TNFRSF14: variants seen among roughly 807,000 people sequenced by gnomAD.
The protein encoded by TNFRSF14 is tumor necrosis factor receptor superfamily member 14.
TNFRSF14 carries 18 observed loss-of-function variants against 34.1 expected under a neutral mutation model. The ratio of observed to expected loss-of-function variants is 0.53; its 90% CI spans 0.36 to 0.78. The LOEUF (loss-of-function observed/expected upper bound fraction) is 0.78. TNFRSF14 is among the 30% of genes least tolerant of loss of function. The probability of loss-of-function intolerance (pLI) is 0.00; values close to 1 mark genes in which losing one functional copy is unlikely to be tolerated. For missense variants in TNFRSF14, 352 were observed against 379.5 expected, an observed-to-expected ratio of 0.93 and a Z score of 0.60; for synonymous variants, 157 against 153.2, an observed-to-expected ratio of 1.02 and a Z score of -0.18.
In TNFRSF14 at chr1:2,559,360, T is replaced by C. The variant is rs141539147; in HGVS notation, c.305-463T>C. 1.7e-3 allele frequency: 2,359 copies of C among 1,374,828 alleles called. 44 individuals carry two copies. The African/African-American group carries it at 0.03, about 18-fold the overall frequency. 85.2% of individuals were successfully genotyped at this position (1,374,828 alleles called of 1,614,324 possible). On this transcript the variant is annotated intron_variant, in intron 3 of 7. Transcript: ENST00000355716. ...CCTCAGGAGGGGCCCAGGCCCAGCTTGTACCCCACCTCCACCAGTACCTGA... is the reference window on the plus strand; with the variant it reads ...CCTCAGGAGGGGCCCAGGCCCAGCTCGTACCCCACCTCCACCAGTACCTGA...
upstream of TNFRSF14, chr1:2,556,080 C>T (rs1165186907): frequency 6.5e-6 from 2 of 309,134 alleles, no homozygotes. Context: ...GGGACACAGG[C>T]CTGGTGGGTC....
intron 3 of TNFRSF14, chr1:2,559,014 G>A (rs752823549): frequency 4.0e-5 from 55 of 1,368,018 alleles, no homozygotes; most frequent in Admixed American, 1.1e-4. Context: ...CTGTCCATGC[G>A]GCCAACGGCT....
chr1:2,559,419 A>G (rs1292099257), intron 3 of TNFRSF14: 1 of 1,378,444 alleles, frequency 7.3e-7, no homozygotes, highest in African/African-American at 1.4e-5. Flanking sequence ...TGCCTCTGCC[A>G]TTGGAATGGC....
chr1:2,563,406 T>A lies in TNFRSF14; in HGVS notation c.*133T>A, dbSNP rs1324318453. The A allele has an allele frequency of 6.9e-7, 1 of 1,459,670 alleles. No individual in the cohort carries two copies. The highest frequency in any genetic ancestry group is 2.3e-5 in the East Asian group (1 of 43,336). 90.4% of individuals were successfully genotyped at this position (1,459,670 alleles called of 1,614,324 possible). A position where few individuals can be genotyped will look rare whatever the true frequency, so the allele number is the denominator to read the frequency against. ...CTGGGCTGGCTTCCGTCTCCTCCAG[T>A]GGAGGGAGAGGTGGGGCCCCTGCTG... On this transcript the variant is annotated 3_prime_UTR_variant, in exon 8 of 8. Transcript: ENST00000355716.
In TNFRSF14 at chr1:2,561,225, G is replaced by A. The variant is rs951361114; in HGVS notation, c.552-448G>A. The stretch of plus-strand genomic sequence containing the variant: ...GAGCAGGGATGGCTGCCCCAGGGAG[G>A]GGGCGGTGGGGCCTTCCATCCTGCT... On this transcript the variant is annotated intron_variant, in intron 5 of 7. Coordinates refer to ENST00000355716, the MANE Select transcript of TNFRSF14 (RefSeq NM_003820.4). The surrounding 1 kb of genome is among the most constrained non-coding windows in gnomAD (Gnocchi z 6.0). 7 of 436,038 alleles carry A rather than the reference G, an allele frequency of 1.6e-5. No individual in the cohort carries two copies. In the Admixed American group the frequency reaches 2.7e-4, roughly 17 times the overall value. 27.0% of individuals were successfully genotyped at this position (436,038 alleles called of 1,614,324 possible). A position where few individuals can be genotyped will look rare whatever the true frequency, so the allele number is the denominator to read the frequency against.
In TNFRSF14 at chr1:2,563,311, A is replaced by G. The variant is rs778484412; in HGVS notation, c.*38A>G. On this transcript the variant is annotated 3_prime_UTR_variant, in exon 8 of 8. Coordinates refer to ENST00000355716, the MANE Select transcript of TNFRSF14 (RefSeq NM_003820.4). ...GCACCCCGACGCCAGAGATACCTGGAGCGACGGCTGCTGAAAGAGGCTGTC... is the reference window on the plus strand; with the variant it reads ...GCACCCCGACGCCAGAGATACCTGGGGCGACGGCTGCTGAAAGAGGCTGTC... 1 of 1,605,732 alleles carries G rather than the reference A, an allele frequency of 6.2e-7. No individual in the cohort carries two copies. The highest frequency in any genetic ancestry group is 2.2e-5 in the East Asian group (1 of 44,680).
rs1243655301 is a variant in TNFRSF14, at chr1:2,561,098, C to T, written c.551+384C>T. ...AGTGAACACTCTGCTCTTTGTCCAC[C>T]TTCGGGAGGACACCTTCAAATGCTG... is the stretch of plus-strand genomic sequence containing the variant. On this transcript the variant is annotated intron_variant, in intron 5 of 7. Coordinates refer to ENST00000355716, the MANE Select transcript of TNFRSF14 (RefSeq NM_003820.4). This position sits in a 1 kb window ranked among gnomAD's most constrained non-coding sequence, Gnocchi z 6.0. The T allele has an allele frequency of 3.1e-6, 1 of 327,352 alleles. No individual in the cohort carries two copies. The highest frequency in any genetic ancestry group is 5.6e-6 in the Non-Finnish European group (1 of 178,016). 20.3% of individuals were successfully genotyped at this position (327,352 alleles called of 1,614,324 possible).
At chr1:2,555,832 G>A (rs1454566125), upstream of TNFRSF14, 1 of 154,204 alleles carries the variant, frequency 6.5e-6, no homozygotes, top group African/African-American at 2.4e-5. The surrounding 1 kb of genome is among the most constrained non-coding windows in gnomAD (Gnocchi z 6.3). Flanking sequence ...CCGGGACTGT[G>A]GGCTGTCTCC....
chr1:2,562,452 C>T (rs571006990), intron 6 of TNFRSF14: 8 of 286,878 alleles, frequency 2.8e-5, no homozygotes, highest in East Asian at 2.6e-4. Context: ...GCCTCCAATG[C>T]GGGGAGGTCT....
Position 2,559,965 on chromosome 1 carries a change from G to T in TNFRSF14, c.447G>T (p.Arg149Ser), listed in dbSNP as rs1364321839. The T allele has an allele frequency of 1.3e-6, 2 of 1,570,472 alleles. No individual in the cohort carries two copies. The highest frequency in any genetic ancestry group is 1.7e-4 in the Middle Eastern group (1 of 5,978). Reference protein sequence around the residue: ...RAYATSSPGQRVQKGGTESQD... With the variant: ...RAYATSSPGQSVQKGGTESQD... ...ACGCCACCTCCAGCCCGGGCCAGAG[G>T]GTGCAGAAGGGAGGTAAGCGGTGGG... Residue 149 changes from arginine (R) to serine (S), a missense_variant, in exon 4 of 8, where the codon AGG becomes AGT. Physicochemically the swap from Arg to Ser is moderately radical, Grantham distance 110. Transcript: ENST00000355716.
At chr1:2,560,209 A>C (rs1285021537) in intron 4 of TNFRSF14, among the ~76,000 whole-genome samples, 1 of 152,008 alleles carries the variant, frequency 6.6e-6, no homozygotes, top group Non-Finnish European at 1.5e-5. Flanking sequence ...AGGTTGCTCC[A>C]CCTCGGGGTT....
chr1:2,563,270 C>T lies in TNFRSF14; in HGVS notation c.849C>T (p.His283=). Residue 283 remains histidine, a synonymous_variant, in exon 8 of 8, where the codon CAC becomes CAT. Coordinates refer to ENST00000355716, the MANE Select transcript of TNFRSF14 (RefSeq NM_003820.4). The part of the protein sequence containing the change: ...IPSFTGRSPN[H] ...CATTCACGGGGAGGAGCCCAAACCACTGACCCACAGACTCTGCACCCCGAC... is the reference window on the plus strand; with the variant it reads ...CATTCACGGGGAGGAGCCCAAACCATTGACCCACAGACTCTGCACCCCGAC... The T allele has an allele frequency of 1.2e-6, 2 of 1,613,512 alleles. No individual in the cohort carries two copies. The highest frequency in any genetic ancestry group is 1.7e-6 in the Non-Finnish European group (2 of 1,179,980).
Position 2,561,514 on chromosome 1 carries a change from C to A in TNFRSF14, c.552-159C>A, listed in dbSNP as rs1644307990. 1 of 1,544,116 alleles carries A rather than the reference C, an allele frequency of 6.5e-7. No homozygotes were observed. Among genetic ancestry groups the A allele is most frequent in the Non-Finnish European group, 8.8e-7 (1 of 1,142,166 alleles). On this transcript the variant is annotated intron_variant, in intron 5 of 7. Transcript: ENST00000355716. The surrounding 1 kb of genome is among the most constrained non-coding windows in gnomAD (Gnocchi z 6.0). ...CATAGCCGAGCTTGGAAAAGTCAGA[C>A]AGACCTCTGAGGTCTCATCCTGGAG...
chr1:2,556,887 A>T (rs2100839364), intron 1 of TNFRSF14, 154 bp downstream of exon 1: 1 of 717,794 alleles, frequency 1.4e-6, no homozygotes, highest in Non-Finnish European at 2.3e-6. Flanking sequence ...GTCAACCCAG[A>T]CCCCCAGCAC....
rs1644315957 is a variant in TNFRSF14, at chr1:2,561,915, G to A, written c.694+100G>A. 15 of 1,327,650 alleles carry A rather than the reference G, an allele frequency of 1.1e-5. No individual in the cohort carries two copies. The highest frequency in any genetic ancestry group is 1.5e-5 in the African/African-American group (1 of 68,510). The allele number at this position is 1,327,650 out of a possible 1,614,324, so 82.2% of individuals were successfully genotyped here. On this transcript the variant is annotated intron_variant, in intron 6 of 7. Coordinates refer to ENST00000355716, the MANE Select transcript of TNFRSF14 (RefSeq NM_003820.4). This position sits in a 1 kb window ranked among gnomAD's most constrained non-coding sequence, Gnocchi z 6.0. ...GGAGGTGGCCCCAGAGCTTTTCCAG[G>A]ATCCGCGGCTCCTCCCAGGGCAGCC...
chr1:2,562,829 C>T, intron 6 of TNFRSF14, 36 bp from the exon 7 acceptor site: 2 of 1,613,920 alleles, frequency 1.2e-6, no homozygotes, highest in East Asian at 2.2e-5. Flanking sequence ...TGATCAGACA[C>T]TGCCCCTCCC....
At chr1:2,562,335 C>A in intron 6 of TNFRSF14, 1 of 219,474 alleles carries the variant, frequency 4.6e-6, no homozygotes, top group Non-Finnish European at 9.2e-6. Context: ...CCTGGGAGCC[C>A]TGTGCACAGC....
intron 2 of TNFRSF14, among the ~76,000 whole-genome samples, chr1:2,558,051 G>C (rs1644245034): frequency 1.3e-5 from 2 of 152,180 alleles, no homozygotes; most frequent in South Asian, 4.1e-4. Context: ...CAGGGGGTGG[G>C]TCTGAGAGAC....
At chr1:2,559,279 A>T (rs1325725153) in intron 3 of TNFRSF14, 1 of 1,367,300 alleles carries the variant, frequency 7.3e-7, no homozygotes, top group Admixed American at 2.2e-5. Flanking sequence ...CCTCTTGTGA[A>T]AGCACCTGTC....
Sources: allele counts gnomAD v4.1 joint callset (sites outside exome capture counted in the v4.1 genomes callset), GRCh38; gene constraint gnomAD v4.1.1; non-coding constraint Gnocchi (gnomAD v3.1); transcripts MANE v1.5; gene names NCBI Gene and HGNC (gene_info 2026-07-23, HGNC 2026-07-21).